Variants in COL20A1 observed in about 807,000 individuals in gnomAD.
COL20A1 encodes collagen alpha-1(XX) chain.
Under a neutral mutation model 152.9 loss-of-function variants are expected in COL20A1, and 164 were observed. The observed-to-expected ratio is 1.07, with a 90% CI of 0.94 to 1.22. The LOEUF is 1.22. Among genes scored for constraint, COL20A1 ranks in the 50% most tolerant of loss-of-function variants. COL20A1 has a pLI of 0.00. For missense variants in COL20A1, 1,873 were observed against 1,744.8 expected (o/e 1.07, Z -1.31); for synonymous variants, 864 against 756.0 (o/e 1.14, Z -2.34).
In COL20A1 at chr20:63,308,038, G is replaced by C; in HGVS notation, c.723G>C (p.Gln241His). Reference protein sequence around the residue: ...WDLNSLSTKEQVLAAVRRLRY... With the variant: ...WDLNSLSTKEHVLAAVRRLRY... ...TGAACTCCCTCAGCACCAAGGAACAGGTGCTGGCAGCTGTGCGCCGCCTCC... is the reference window on the plus strand; with the variant it reads ...TGAACTCCCTCAGCACCAAGGAACACGTGCTGGCAGCTGTGCGCCGCCTCC... Residue 241 changes from glutamine to histidine, a missense_variant, in exon 7 of 36, where the codon CAG becomes CAC. Physicochemically the swap from Gln to His is conservative, Grantham distance 24 (BLOSUM62 0). Transcript: ENST00000358894. The C allele has an allele frequency of 6.2e-7, 1 of 1,612,624 alleles. No homozygotes were observed. Among genetic ancestry groups the C allele is most frequent in the Non-Finnish European group, 8.5e-7 (1 of 1,179,804 alleles).
At chr20:63,304,057 C>T (rs1400857214) in intron 3 of COL20A1, among the ~76,000 whole-genome samples, 6 of 141,586 alleles carry the variant, frequency 4.2e-5, no homozygotes, top group African/African-American at 1.6e-4. Flanking sequence ...CTCTTCCTCC[C>T]TCCCAGTGTG....
At chr20:63,321,278 G>A (rs145755540) in intron 26 of COL20A1, among the ~76,000 whole-genome samples, 179 bp downstream of exon 26, 2,234 of 152,188 alleles carry the variant, frequency 0.015, 38 homozygotes, top group Middle Eastern at 0.037. Flanking sequence ...AGGAGACAGA[G>A]GCCTGGCCCA....
chr20:63,326,690 G>A (rs2068254332), intron 30 of COL20A1, 62 bp from the exon 31 acceptor site: 9 of 1,194,450 alleles, frequency 7.5e-6, no homozygotes, highest in Middle Eastern at 2.0e-4. Flanking sequence ...GGGAACCAGG[G>A]CTGAAGTGGG....
chr20:63,325,845 A>G (rs1437333342), intron 29 of COL20A1, 124 bp downstream of exon 29: 2 of 875,340 alleles, frequency 2.3e-6, no homozygotes, highest in African/African-American at 3.4e-5. Flanking sequence ...CTCCTGCCTC[A>G]CCTGCTGCAC....
chr20:63,327,727 C>T, intron 31 of COL20A1: 1 of 588,656 alleles, frequency 1.7e-6, no homozygotes, highest in Non-Finnish European at 3.0e-6. Flanking sequence ...AGTTCCAGCC[C>T]CACTCAGGAC....
chr20:63,327,897 A>T, intron 31 of COL20A1, 55 bp from the exon 32 acceptor site: 1 of 1,539,452 alleles, frequency 6.5e-7, no homozygotes, highest in Non-Finnish European at 8.8e-7. Flanking sequence ...CACACTTGTC[A>T]CGTGTGGTCT....
Position 63,312,538 on chromosome 20 carries a change from G to T in COL20A1, c.1922G>T (p.Arg641Leu). 1 of 1,587,938 alleles carries T rather than the reference G, an allele frequency of 6.3e-7. No individual in the cohort carries two copies. The highest frequency in any genetic ancestry group is 8.5e-7 in the Non-Finnish European group (1 of 1,170,526). Residue 641 changes from arginine (R) to leucine (L), a missense_variant, in exon 15 of 36, where the codon CGG becomes CTG. Arg to Leu is a moderately radical substitution (Grantham distance 102). Transcript: ENST00000358894. ...PGGGSSTLTG[R>L]VTTKKAPSPS... ...GGTGGCTCCTCTACGCTGACTGGCC[G>T]GGTGACCACCAGTGAGTGGGGAGAG...
In COL20A1 at chr20:63,312,008, C is replaced by G. The variant is rs751997058; in HGVS notation, c.1756C>G (p.Leu586Val). Residue 586 changes from leucine (L) to valine (V), a missense_variant, in exon 14 of 36, where the codon CTG (leucine) becomes GTG (valine). Coordinates refer to ENST00000358894, the MANE Select transcript of COL20A1 (RefSeq NM_020882.4). ...FWEGAPRPVR[L>V]VRVTYVSSEG... ...GGAGGGTGCCCCGAGGCCTGTGCGC[C>G]TGGTCAGGGTCACCTATGTGTCCAG... is the stretch of plus-strand genomic sequence containing the variant. The G allele has an allele frequency of 5.8e-5, 94 of 1,606,926 alleles. 1 individual carries two copies. The South Asian group carries it at 1.0e-3, about 18-fold the overall frequency.
In COL20A1 at chr20:63,309,469, C is replaced by T. The variant is rs111641640; in HGVS notation, c.1077C>T (p.Leu359=). The T allele has an allele frequency of 1.6e-4, 253 of 1,534,416 alleles. 2 individuals are homozygous for T. The African/African-American group carries it at 2.7e-3, about 16-fold the overall frequency. The change falls in exon 9 of 36, where the codon CTC becomes CTT. Residue 359 remains leucine, a synonymous_variant. Transcript: ENST00000358894. ...TCAGCCGTCTCATCTGCCAGAGGCTCCAGGGTGGGAGCCCGCGGCAGGGCC... is the reference window on the plus strand; with the variant it reads ...TCAGCCGTCTCATCTGCCAGAGGCTTCAGGGTGGGAGCCCGCGGCAGGGCC... ...GLLSRLICQR[L]QGGSPRQGPA...
rs763054682 is a variant in COL20A1, at chr20:63,305,502, G to A, written c.279G>A (p.Leu93=). ...GGLSPSKGYT[L]QIFELTGSGR... ...TGAGCCCCTCCAAGGGCTACACCTT[G>A]CAGATCTTCGAGCTCACTGGCTCTG... The change falls in exon 4 of 36, where the codon TTG becomes TTA. Residue 93 remains leucine (L), a synonymous_variant. Transcript: ENST00000358894. The surrounding 1 kb of genome is among the most constrained non-coding windows in gnomAD (Gnocchi z 4.9). 6 of 1,607,632 alleles carry A rather than the reference G, an allele frequency of 3.7e-6. No homozygotes were observed. In the Admixed American group the frequency reaches 8.4e-5, roughly 23 times the overall value.
chr20:63,310,423 C>G lies in COL20A1; in HGVS notation c.1306C>G (p.Leu436Val). The G allele has an allele frequency of 1.2e-6, 2 of 1,610,748 alleles. No homozygotes were observed. Among genetic ancestry groups the G allele is most frequent in the South Asian group, 1.1e-5 (1 of 90,424 alleles). The change falls in exon 11 of 36, where the codon CTG (leucine) becomes GTG (valine). Residue 436 changes from leucine to valine, a missense_variant. Transcript: ENST00000358894. The part of the protein sequence containing the change: ...GPAASTELHN[L>V]ASRTEYLVSV... ...CGCCGCCTCCACGGAGCTGCACAAC[C>G]TGGCCTCCCGCACAGAGTACCTGGT...
rs557138616 is a variant in COL20A1, at chr20:63,298,535, C to T, written c.193+515C>T. ...TGAACTGGGCTCAGGAGATCCGCCC[C>T]CCTCAGCCTCTCACAGTGCTGGGAT... On this transcript the variant is annotated intron_variant, in intron 3 of 35. Coordinates refer to ENST00000358894, the MANE Select transcript of COL20A1 (RefSeq NM_020882.4). 2.6e-5 allele frequency among the ~76,000 whole-genome samples: 4 copies of T among 152,216 alleles called. No homozygotes were observed. The East Asian group carries it at 7.7e-4, about 29-fold the overall frequency.
At chr20:63,299,095 C>G (rs1212545998) in intron 3 of COL20A1, among the ~76,000 whole-genome samples, 1 of 152,238 alleles carries the variant, frequency 6.6e-6, no homozygotes, top group Non-Finnish European at 1.5e-5. Context: ...TGTGTAACAG[C>G]CGTCCATTTT....
chr20:63,326,665 G>C, intron 30 of COL20A1, 87 bp from the exon 31 acceptor site: 1 of 904,102 alleles, frequency 1.1e-6, no homozygotes, highest in Non-Finnish European at 1.6e-6. Context: ...AGGTCAGGGG[G>C]CCCCTGGGAC....
At chr20:63,325,324 G>T (rs762843693) in intron 27 of COL20A1, 117 bp from the exon 28 acceptor site, 1 of 810,098 alleles carries the variant, frequency 1.2e-6, no homozygotes, top group East Asian at 2.6e-5. Flanking sequence ...GGCCAGCAGG[G>T]CTCGCCGGGG....
At chr20:63,316,818 C>T in intron 21 of COL20A1, 127 bp downstream of exon 21, 1 of 873,050 alleles carries the variant, frequency 1.1e-6, no homozygotes, top group Non-Finnish European at 1.6e-6. Context: ...GGCAGCGCTG[C>T]TATGTCAGCA....
In COL20A1 at chr20:63,321,791, ACTCT is replaced by A. The variant is rs530341007; in HGVS notation, c.3241-262_3241-259del. Among the ~76,000 whole-genome samples, 433 of 151,906 alleles carry A rather than the reference ACTCT, an allele frequency of 2.9e-3. 1 individual carries two copies. Among genetic ancestry groups the A allele is most frequent in the Non-Finnish European group, 4.6e-3 (310 of 67,898 alleles). On this transcript the variant is annotated intron_variant, in intron 26 of 35. Transcript: ENST00000358894. The stretch of plus-strand genomic sequence containing the variant: ...GCTGGCTCTGGGACCGGTCAAGCAC[ACTCT>A]CTCTGAGCTCAGTGTCCACAGCCTT...
At chr20:63,309,713 G>T (rs372246087) in intron 9 of COL20A1, 45 bp from the exon 10 acceptor site, 165 of 1,492,602 alleles carry the variant, frequency 1.1e-4, no homozygotes, top group Non-Finnish European at 1.4e-4. Context: ...GGACACAGCT[G>T]CCCGTGCAGT....
In COL20A1 at chr20:63,313,862, C is replaced by G. The variant is rs1197317944; in HGVS notation, c.2329C>G (p.Pro777Ala). ...GCTCCATTACTGGCTCACCTACGCC[C>G]CCGCCTCTGGCTTGGGACCCGAGAA... ...RVLHYWLTYA[P>A]ASGLGPEKSV... The change falls in exon 18 of 36, where the codon CCC becomes GCC. Residue 777 changes from proline to alanine, a missense_variant. By Grantham distance (27) the Pro-to-Ala change is conservative. Transcript: ENST00000358894. This position sits in a 1 kb window ranked among gnomAD's most constrained non-coding sequence, Gnocchi z 5.9. 1.2e-6 allele frequency: 2 copies of G among 1,608,846 alleles called. No homozygotes were observed. The highest frequency in any genetic ancestry group is 1.3e-5 in the African/African-American group (1 of 74,896).
Sources: gnomAD v4.1 joint callset for allele counts (sites outside exome capture counted in the v4.1 genomes callset) on GRCh38, gnomAD v4.1.1 for gene constraint, Gnocchi (gnomAD v3.1) non-coding constraint, MANE v1.5 for transcripts, NCBI Gene and HGNC (gene_info 2026-07-23, HGNC 2026-07-21) for gene names.